The following ALCAM variants were observed in gnomAD, a reference collection of about 807,000 sequenced individuals.
ALCAM encodes the protein CD166 antigen.
In ALCAM, 30 loss-of-function variants were observed where a neutral mutation model predicts 70.9. That is an observed-to-expected ratio of 0.42 (90% CI 0.32 to 0.57). The LOEUF is 0.57. Among genes scored for constraint, ALCAM ranks in the 20% least tolerant of loss-of-function variants. ALCAM has a pLI of 0.11. For synonymous variants in ALCAM, 249 were observed against 242.5 expected (o/e 1.03, Z -0.25); for missense variants, 591 against 695.1 (o/e 0.85, Z 1.68).
At chr3:105,514,671 C>CTAGT (rs1273006863) in intron 1 of ALCAM, among the ~76,000 whole-genome samples, 8 of 151,730 alleles carry the variant, frequency 5.3e-5, no homozygotes, top group African/African-American at 1.9e-4. Flanking sequence ...CTGGGTACTA[C>CTAGT]TAGTAGTTTA....
intron 14 of ALCAM, among the ~76,000 whole-genome samples, chr3:105,562,643 A>C (rs1940650260): frequency 6.6e-6 from 1 of 152,110 alleles, no homozygotes; most frequent in Admixed American, 6.5e-5. Context: ...AATAATGTGG[A>C]TCTTATAAAA....
At chr3:105,541,830 T>C in intron 8 of ALCAM, 65 bp downstream of exon 8, 1 of 1,566,914 alleles carries the variant, frequency 6.4e-7, no homozygotes, top group African/African-American at 1.4e-5. Flanking sequence ...AATGTAGCTA[T>C]CTTTTCAAAT....
At chr3:105,521,386 T>G (rs1000451171) in intron 2 of ALCAM, among the ~76,000 whole-genome samples, 1 of 151,962 alleles carries the variant, frequency 6.6e-6, no homozygotes, top group Non-Finnish European at 1.5e-5. Flanking sequence ...TTAAGAATTG[T>G]CTGAGGGTCA....
At chr3:105,449,311 CA>C (rs1937369163) in intron 1 of ALCAM, among the ~76,000 whole-genome samples, 1 of 152,028 alleles carries the variant, frequency 6.6e-6, no homozygotes, top group Admixed American at 6.6e-5. Flanking sequence ...GTTTTGTGAA[CA>C]AAAAGCTTGC....
At chr3:105,545,553 G>T (rs559791123) in intron 9 of ALCAM, among the ~76,000 whole-genome samples, 1 of 151,394 alleles carries the variant, frequency 6.6e-6, no homozygotes, top group South Asian at 2.1e-4. Flanking sequence ...AACTTAGTTT[G>T]GGGTGTTATG....
chr3:105,567,458 TCCA>T (rs777836082), intron 14 of ALCAM, among the ~76,000 whole-genome samples: 3 of 151,992 alleles, frequency 2.0e-5, no homozygotes, highest in African/African-American at 7.2e-5. Flanking sequence ...TGCCCTGGAC[TCCA>T]CCATCTCCTC....
chr3:105,498,014 G>A (rs1938803920), intron 1 of ALCAM, among the ~76,000 whole-genome samples: 1 of 148,822 alleles, frequency 6.7e-6, no homozygotes, highest in African/African-American at 2.5e-5. Flanking sequence ...CTGGGCGACA[G>A]AGCGAGACTC....
chr3:105,497,837 C>G (rs1938798706), intron 1 of ALCAM, among the ~76,000 whole-genome samples: 1 of 152,000 alleles, frequency 6.6e-6, no homozygotes, highest in Admixed American at 6.6e-5. Context: ...CGAGACCATC[C>G]TGGCTAACAC....
chr3:105,440,746 A>C (rs1937152600), intron 1 of ALCAM: 1 of 152,250 alleles, frequency 6.6e-6, no homozygotes, highest in Admixed American at 6.5e-5. Context: ...CAGGAAACTT[A>C]AGTAGATTAA....
intron 1 of ALCAM, among the ~76,000 whole-genome samples, chr3:105,373,889 T>A (rs1342750023): frequency 2.0e-5 from 3 of 152,164 alleles, no homozygotes; most frequent in Non-Finnish European, 4.4e-5. Context: ...CTCAAGGAGT[T>A]TGGGAGTTGA....
chr3:105,525,127 A>G (rs1049567888), intron 3 of ALCAM: 31 of 981,740 alleles, frequency 3.2e-5, no homozygotes, highest in Non-Finnish European at 3.4e-5. Flanking sequence ...TTCAAAAAGT[A>G]TTCACTTGCT....
chr3:105,476,387 A>G (rs1034614923), intron 1 of ALCAM, among the ~76,000 whole-genome samples: 11 of 151,984 alleles, frequency 7.2e-5, no homozygotes, highest in African/African-American at 2.2e-4. Context: ...CTAAATCAAA[A>G]CACTTCACTC....
At chr3:105,472,811 ATCT>A (rs1241470746) in intron 1 of ALCAM, among the ~76,000 whole-genome samples, 1 of 151,478 alleles carries the variant, frequency 6.6e-6, no homozygotes, top group African/African-American at 2.4e-5. Flanking sequence ...CTACTGTCTG[ATCT>A]TCTCAAGATT....
chr3:105,538,650 C>A (rs576736326), intron 6 of ALCAM, among the ~76,000 whole-genome samples: 1 of 152,078 alleles, frequency 6.6e-6, no homozygotes, highest in East Asian at 1.9e-4. Context: ...TGCCACAGGC[C>A]AAACATGAGC....
intron 1 of ALCAM, among the ~76,000 whole-genome samples, chr3:105,483,707 C>A (rs1392731279): frequency 6.6e-6 from 1 of 151,994 alleles, no homozygotes. Context: ...ATCTAAACAA[C>A]TGCAGTCAGA....
chr3:105,465,028 A>G (rs548186351), intron 1 of ALCAM, among the ~76,000 whole-genome samples: 1 of 151,474 alleles, frequency 6.6e-6, no homozygotes, highest in Non-Finnish European at 1.5e-5. Context: ...TAAATGAAAT[A>G]ATATGGTATA....
chr3:105,524,654 A>G (rs1472792220), intron 3 of ALCAM, 146 bp downstream of exon 3: 9 of 1,372,798 alleles, frequency 6.6e-6, no homozygotes, highest in Admixed American at 3.1e-5. Flanking sequence ...CATTCTGCTC[A>G]TATATACTAT....
chr3:105,430,446 A>C (rs947065633), intron 1 of ALCAM, among the ~76,000 whole-genome samples: 4 of 152,040 alleles, frequency 2.6e-5, no homozygotes, highest in African/African-American at 9.7e-5. Flanking sequence ...ATTTACTAGA[A>C]TGTCTTTTTA....
rs77304794 is a variant in ALCAM, at chr3:105,498,051, G to A, written c.74-22016G>A. Among the ~76,000 whole-genome samples, 4 of 151,392 alleles carry A rather than the reference G, an allele frequency of 2.6e-5. No homozygotes were observed. In the South Asian group the frequency reaches 8.4e-4, roughly 32 times the overall value. ...GCCTCAAAAAAAAAAAAAAAGGGGGGAAATTGGACTATCCTTTGTGAAGCA... is the reference window on the plus strand; with the variant it reads ...GCCTCAAAAAAAAAAAAAAAGGGGGAAAATTGGACTATCCTTTGTGAAGCA... On this transcript the variant is annotated intron_variant, in intron 1 of 15. Coordinates refer to ENST00000306107, the MANE Select transcript of ALCAM (RefSeq NM_001627.4).
Sources: allele counts gnomAD v4.1 joint callset (sites outside exome capture counted in the v4.1 genomes callset), GRCh38; gene constraint gnomAD v4.1.1; transcripts MANE v1.5; gene names NCBI Gene and HGNC (gene_info 2026-07-23, HGNC 2026-07-21).